The following TBC1D19 variants were observed in gnomAD, a reference collection of about 807,000 sequenced individuals.
The protein encoded by TBC1D19 is TBC1 domain family member 19.
A neutral mutation model predicts 89.0 loss-of-function variants in TBC1D19; 60 were observed. The ratio of observed to expected loss-of-function variants is 0.67; its 90% confidence interval spans 0.55 to 0.84. The LOEUF (loss-of-function observed/expected upper bound fraction) is 0.84. TBC1D19 is among the 40% of genes least tolerant of loss of function. TBC1D19 has a pLI of 0.00. For missense variants in TBC1D19, 500 were observed against 610.8 expected, an observed-to-expected ratio of 0.82 and a Z score of 1.91; for synonymous variants, 189 against 199.7, an observed-to-expected ratio of 0.95 and a Z score of 0.45.
chr4:26,823,148 T>C, the TBC1D19 span, among the ~76,000 whole-genome samples: 6 of 152,318 alleles, frequency 3.9e-5, no homozygotes, highest in African/African-American at 1.4e-4. Context: ...AGTCACATCT[T>C]ACATGGATGG....
the TBC1D19 span, among the ~76,000 whole-genome samples, chr4:26,785,395 A>G: frequency 1.3e-5 from 2 of 152,366 alleles, no homozygotes; most frequent in Non-Finnish European, 2.9e-5. Context: ...GTAAGAGCAC[A>G]GCGTTGTTTT....
the TBC1D19 span, among the ~76,000 whole-genome samples, chr4:26,773,648 A>G: frequency 6.6e-6 from 1 of 152,252 alleles, no homozygotes; most frequent in South Asian, 2.1e-4. Flanking sequence ...TTATATAGGT[A>G]TAAGGAAGGA....
At position 26,735,858 on chromosome 4, in the gene TBC1D19, A is replaced by G. The variant is rs560509252; in HGVS notation, c.1117+371A>G. Among the ~76,000 whole-genome samples, 7 of 152,052 alleles carry G rather than the reference A, an allele frequency of 4.6e-5. No homozygotes were observed. The South Asian group carries it at 1.5e-3, about 32-fold the overall frequency. On this transcript the variant is annotated intron_variant, in intron 16 of 20. Coordinates refer to ENST00000264866, the MANE Select transcript of TBC1D19 (RefSeq NM_018317.4). ...AAACCACAATGAGATACCATCTCACACCAGTTAGAATGGCAATCATTAAAA... is the reference window on the plus strand; with the variant it reads ...AAACCACAATGAGATACCATCTCACGCCAGTTAGAATGGCAATCATTAAAA...
intron 7 of TBC1D19, among the ~76,000 whole-genome samples, chr4:26,653,327 A>G (rs1744540546): frequency 6.6e-6 from 1 of 152,220 alleles, no homozygotes; most frequent in African/African-American, 2.4e-5. Flanking sequence ...TGTGGTGCTG[A>G]GAAGAATGTA....
At chr4:26,684,424 G>T (rs984906113) in intron 12 of TBC1D19, among the ~76,000 whole-genome samples, 3 of 152,136 alleles carry the variant, frequency 2.0e-5, no homozygotes, top group African/African-American at 7.2e-5. Context: ...GCCATGTGGT[G>T]TCCACTTCTT....
chr4:26,720,124 T>C lies in TBC1D19; in HGVS notation c.1083T>C (p.Asn361=), dbSNP rs1467124792. ...AATATGCTGTCTTTTACCCACCAAA[T>C]GGTAAGAGTAATGCTATTGCTTCCT... The part of the protein sequence containing the change: ...LEEYAVFYPP[N]GVIPFHGFSM... The change falls in exon 15 of 21, where the codon AAT becomes AAC. Residue 361 remains asparagine, a splice_region_variant and synonymous_variant. Transcript: ENST00000264866. 1 of 1,600,584 alleles carries C rather than the reference T, an allele frequency of 6.2e-7. No individual in the cohort carries two copies. Among genetic ancestry groups the C allele is most frequent in the Non-Finnish European group, 8.5e-7 (1 of 1,173,466 alleles).
intron 7 of TBC1D19, among the ~76,000 whole-genome samples, chr4:26,650,731 G>C (rs1401208050): frequency 6.6e-6 from 1 of 152,142 alleles, no homozygotes; most frequent in African/African-American, 2.4e-5. Flanking sequence ...GATCCCATTT[G>C]TCAATTTTGG....
At chr4:26,847,040 C>G in the TBC1D19 span, among the ~76,000 whole-genome samples, 1 of 152,184 alleles carries the variant, frequency 6.6e-6, no homozygotes, top group South Asian at 2.1e-4. Flanking sequence ...CCCATACACC[C>G]ATATGTGAAT....
intron 16 of TBC1D19, among the ~76,000 whole-genome samples, chr4:26,737,401 T>C (rs1718112124): frequency 6.6e-6 from 1 of 152,208 alleles, no homozygotes; most frequent in Non-Finnish European, 1.5e-5. Context: ...TCTACTTTAA[T>C]AGTTCCAACT....
chr4:26,720,147 CCT>C, intron 15 of TBC1D19, 22 bp downstream of exon 15: 1 of 1,560,054 alleles, frequency 6.4e-7, no homozygotes, highest in Non-Finnish European at 8.7e-7. Flanking sequence ...GCTATTGCTT[CCT>C]CTAGTGGGAA....
chr4:26,688,270 A>G, intron 12 of TBC1D19, 75 bp from the exon 13 acceptor site: 3 of 1,455,626 alleles, frequency 2.1e-6, no homozygotes, highest in Non-Finnish European at 2.7e-6. Flanking sequence ...AGTGCTTCTA[A>G]ATACATGTGT....
the TBC1D19 span, among the ~76,000 whole-genome samples, chr4:26,848,798 TG>T: frequency 2.0e-5 from 3 of 152,230 alleles, no homozygotes; most frequent in African/African-American, 7.2e-5. Context: ...TTCTTTCATC[TG>T]TCTAATCACA....
At chr4:26,583,983 C>G, upstream of TBC1D19, 1 of 564,952 alleles carries the variant, frequency 1.8e-6, no homozygotes, top group Non-Finnish European at 3.1e-6. Context: ...CTTTTTCCGC[C>G]GGCGGAACGC....
intron 4 of TBC1D19, among the ~76,000 whole-genome samples, chr4:26,627,613 TTTTG>T (rs1742511974): frequency 6.6e-6 from 1 of 152,112 alleles, no homozygotes; most frequent in South Asian, 2.1e-4. Flanking sequence ...CTCATTGTGG[TTTTG>T]ATTTGCATTT....
chr4:26,789,728 A>G, the TBC1D19 span, among the ~76,000 whole-genome samples: 1 of 152,194 alleles, frequency 6.6e-6, no homozygotes, highest in Non-Finnish European at 1.5e-5. Context: ...AAAAGAAATC[A>G]TTTTACCAAA....
the TBC1D19 span, among the ~76,000 whole-genome samples, chr4:26,777,283 C>T: frequency 1.3e-5 from 2 of 150,898 alleles, no homozygotes; most frequent in South Asian, 2.1e-4. Context: ...TACAGGTGCC[C>T]GCCACCATGC....
the TBC1D19 span, among the ~76,000 whole-genome samples, chr4:26,773,388 G>A: frequency 6.6e-6 from 1 of 152,122 alleles, no homozygotes; most frequent in African/African-American, 2.4e-5. Context: ...TGGATAGATT[G>A]CAAAAATGTT....
At chr4:26,631,179 T>G (rs748458346) in intron 4 of TBC1D19, among the ~76,000 whole-genome samples, 2 of 152,066 alleles carry the variant, frequency 1.3e-5, no homozygotes, top group South Asian at 2.1e-4. Context: ...TTTTCTTTCC[T>G]TATGTTTAGG....
chr4:26,619,183 C>T (rs1296107715), intron 3 of TBC1D19, among the ~76,000 whole-genome samples: 2 of 151,432 alleles, frequency 1.3e-5, no homozygotes, highest in Admixed American at 1.3e-4. Context: ...TCAGTAAAGT[C>T]TCTCAAATTT....
Sources: allele counts gnomAD v4.1 joint callset (sites outside exome capture counted in the v4.1 genomes callset), GRCh38; gene constraint gnomAD v4.1.1; transcripts MANE v1.5; gene names NCBI Gene and HGNC (gene_info 2026-07-23, HGNC 2026-07-21).